The following PPP4R3B variants were observed in gnomAD, a reference collection of about 807,000 sequenced individuals.
PPP4R3B encodes the protein protein phosphatase 4 regulatory subunit 3B.
Under a neutral mutation model 95.4 loss-of-function variants are expected in PPP4R3B, and 52 were observed. The ratio of observed to expected loss-of-function variants is 0.54; its 90% CI spans 0.44 to 0.69. The LOEUF (loss-of-function observed/expected upper bound fraction) is 0.69, where lower values mean the gene tolerates loss of function less well. Ranked by LOEUF, PPP4R3B falls within the 30% of genes least tolerant of loss-of-function variation. The pLI is 0.00. For synonymous variants in PPP4R3B, 407 were observed against 343.9 expected (o/e 1.18, Z -2.03); for missense variants, 1,003 against 1,005.9 (o/e 1.00, Z 0.04).
intron 16 of PPP4R3B, among the ~76,000 whole-genome samples, chr2:55,550,958 G>A (rs1258388782): frequency 6.6e-6 from 1 of 152,062 alleles, no homozygotes; most frequent in African/African-American, 2.4e-5. Flanking sequence ...TCTTAAGTCT[G>A]GATATGCAAG....
chr2:55,615,714 T>C lies in PPP4R3B; in HGVS notation c.143-208A>G, dbSNP rs540825921. 2.6e-5 allele frequency among the ~76,000 whole-genome samples: 4 copies of C among 151,366 alleles called. No individual in the cohort carries two copies. In the East Asian group the frequency reaches 7.8e-4, roughly 29 times the overall value. On this transcript the variant is annotated intron_variant, in intron 1 of 16. Transcript: ENST00000616407. ...TAAAAATACAAAAATTAGCTGGGCG[T>C]GGTGGCGCATGCCTGTAGTCCCAGG...
chr2:55,608,036 C>T (rs1406599703), intron 2 of PPP4R3B, among the ~76,000 whole-genome samples: 1 of 152,160 alleles, frequency 6.6e-6, no homozygotes, highest in Non-Finnish European at 1.5e-5. Flanking sequence ...TACAGAGTCT[C>T]ACTCTGTTGC....
chr2:55,563,555 G>A (rs1475732422), intron 15 of PPP4R3B, among the ~76,000 whole-genome samples: 1 of 151,940 alleles, frequency 6.6e-6, no homozygotes, highest in Non-Finnish European at 1.5e-5. Context: ...GTGTTTTTTT[G>A]TAGAGACAGG....
intron 2 of PPP4R3B, among the ~76,000 whole-genome samples, chr2:55,612,954 A>G (rs1382006156): frequency 6.6e-6 from 1 of 151,826 alleles, no homozygotes; most frequent in African/African-American, 2.4e-5. Context: ...TCAAAAAAAA[A>G]AAAAAAATTA....
rs542171420 is a variant in PPP4R3B at position 55,571,374 on chromosome 2, C to T, written c.1765+2245G>A. 2.6e-5 allele frequency among the ~76,000 whole-genome samples: 4 copies of T among 152,004 alleles called. No individual in the cohort carries two copies. In the East Asian group the frequency reaches 5.8e-4, roughly 22 times the overall value. The stretch of plus-strand genomic sequence containing the variant: ...ATTAAGGGAAGTATTCTGCAGTCAT[C>T]GAAAAGTACTATTTAATGAGCCAAA... On this transcript the variant is annotated intron_variant, in intron 12 of 16. Transcript: ENST00000616407.
Position 55,615,466 on chromosome 2 carries a change from T to G in PPP4R3B, c.183A>C (p.Ala61=). 2 of 1,595,106 alleles carry G rather than the reference T, an allele frequency of 1.3e-6. No homozygotes were observed. Among genetic ancestry groups the G allele is most frequent in the Non-Finnish European group, 1.7e-6 (2 of 1,169,574 alleles). ...AACTACTTGCCTGTTGTTTCTGATA[T>G]GCAGTATTTGGATTTATCTTTGATT... is the stretch of plus-strand genomic sequence containing the variant. ...LLESKINPNT[A]YQKQQDTLIV... is the part of the protein sequence containing the mutation. Residue 61 remains alanine (A), a synonymous_variant, in exon 2 of 17, where the codon GCA becomes GCC. Transcript: ENST00000616407.
At chr2:55,610,143 T>C (rs370781352) in intron 2 of PPP4R3B, among the ~76,000 whole-genome samples, 37 of 152,356 alleles carry the variant, frequency 2.4e-4, no homozygotes, top group African/African-American at 8.4e-4. Context: ...AATCATTTAC[T>C]AAATTTTCCA....
Position 55,581,575 on chromosome 2 carries a change from T to A in PPP4R3B, c.1357A>T (p.Thr453Ser). 1 of 1,611,828 alleles carries A rather than the reference T, an allele frequency of 6.2e-7. No homozygotes were observed. The change falls in exon 8 of 17, where the codon ACA becomes TCA. Residue 453 changes from threonine (T) to serine (S), a missense_variant. Coordinates refer to ENST00000616407, the MANE Select transcript of PPP4R3B (RefSeq NM_001122964.3). ...TCAGAGTAATTTCTTACATTAGTTG[T>A]AGCCAGCATGTTCTCTGGATCAATT... Reference protein sequence around the residue: ...TLIDPENMLATTNKTEKSEFL... With the variant: ...TLIDPENMLASTNKTEKSEFL...
intron 4 of PPP4R3B, among the ~76,000 whole-genome samples, chr2:55,593,231 T>A (rs948175086): frequency 6.6e-6 from 1 of 152,206 alleles, no homozygotes; most frequent in Non-Finnish European, 1.5e-5. Flanking sequence ...GGGATTTTGA[T>A]CTGCAATTAG....
At position 55,548,763 on chromosome 2, in the gene PPP4R3B, G is replaced by A. The variant is rs1684952205; in HGVS notation, c.*1148C>T. 1 of 152,518 alleles carries A rather than the reference G, an allele frequency of 6.6e-6. No individual in the cohort carries two copies. The highest frequency in any genetic ancestry group is 2.4e-5 in the African/African-American group (1 of 41,406). 9.4% of individuals were successfully genotyped at this position (152,518 alleles called of 1,614,324 possible). Reference sequence around the variant, plus strand: ...TTCGGCATGATCTCAGATCATAGATGAGCAAACTAACATTAAAATATTTAC... The same window carrying A: ...TTCGGCATGATCTCAGATCATAGATAAGCAAACTAACATTAAAATATTTAC... On this transcript the variant is annotated 3_prime_UTR_variant, in exon 17 of 17. Transcript: ENST00000616407.
intron 16 of PPP4R3B, among the ~76,000 whole-genome samples, chr2:55,553,311 T>TA (rs1449017934): frequency 6.6e-6 from 1 of 152,182 alleles, no homozygotes; most frequent in African/African-American, 2.4e-5. Context: ...TTCTTATACT[T>TA]ACAAGGTGTA....
intron 15 of PPP4R3B, among the ~76,000 whole-genome samples, chr2:55,563,522 G>A (rs1574702258): frequency 6.6e-6 from 1 of 152,208 alleles, no homozygotes; most frequent in East Asian, 1.9e-4. Context: ...CCAGGTAAGT[G>A]CCACTGTGCC....
chr2:55,609,569 A>G (rs1693877398), intron 2 of PPP4R3B, among the ~76,000 whole-genome samples: 1 of 151,296 alleles, frequency 6.6e-6, no homozygotes, highest in Admixed American at 6.6e-5. Context: ...GCTACTCAGG[A>G]GGCTGAGGTG....
chr2:55,551,160 C>T (rs1286260928), intron 16 of PPP4R3B, among the ~76,000 whole-genome samples: 1 of 152,024 alleles, frequency 6.6e-6, no homozygotes, highest in African/African-American at 2.4e-5. Context: ...TCAAAACCAG[C>T]CTGGCCAACA....
At chr2:55,612,875 G>A (rs928637516) in intron 2 of PPP4R3B, among the ~76,000 whole-genome samples, 2 of 151,930 alleles carry the variant, frequency 1.3e-5, no homozygotes, top group African/African-American at 4.8e-5. Context: ...GAACCCGGGA[G>A]GCGAAGCTTG....
intron 4 of PPP4R3B, among the ~76,000 whole-genome samples, chr2:55,589,241 T>C (rs1192748895): frequency 1.3e-5 from 2 of 152,226 alleles, no homozygotes; most frequent in African/African-American, 2.4e-5. Context: ...AAAACTCACT[T>C]AACTTAGATT....
At position 55,617,517 on chromosome 2, in the gene PPP4R3B, C is replaced by G. The variant is rs779274298; in HGVS notation, c.-232G>C. On this transcript the variant is annotated 5_prime_UTR_variant, in exon 1 of 17. Coordinates refer to ENST00000616407, the MANE Select transcript of PPP4R3B (RefSeq NM_001122964.3). ...CTCTCACTTCACCCGCGCATACACC[C>G]ACTCTCCCGTCTCTTTGCCCCCCAG... 2 of 435,040 alleles carry G rather than the reference C, an allele frequency of 4.6e-6. No homozygotes were observed. Among genetic ancestry groups the G allele is most frequent in the Non-Finnish European group, 8.1e-6 (2 of 246,546 alleles). 26.9% of individuals were successfully genotyped at this position (435,040 alleles called of 1,614,324 possible).
intron 2 of PPP4R3B, among the ~76,000 whole-genome samples, chr2:55,608,458 T>C (rs1046800003): frequency 6.6e-6 from 1 of 152,238 alleles, no homozygotes; most frequent in Non-Finnish European, 1.5e-5. Context: ...TACCAATAAC[T>C]GATCCATCAC....
At chr2:55,599,431 C>CT (rs1692248188) in intron 3 of PPP4R3B, among the ~76,000 whole-genome samples, 1 of 151,984 alleles carries the variant, frequency 6.6e-6, no homozygotes, top group Non-Finnish European at 1.5e-5. Context: ...AAGCAAGACT[C>CT]TGTCTCAAAA....
Sources: gnomAD v4.1 joint callset for allele counts (sites outside exome capture counted in the v4.1 genomes callset) on GRCh38, gnomAD v4.1.1 for gene constraint, MANE v1.5 for transcripts, NCBI Gene and HGNC (gene_info 2026-07-23, HGNC 2026-07-21) for gene names.